The following ZMIZ1 variants were observed in gnomAD, a reference collection of about 807,000 sequenced individuals.
ZMIZ1 encodes the protein zinc finger MIZ-type containing 1, also known as zinc finger MIZ domain-containing protein 1.
In ZMIZ1, 17 loss-of-function variants were observed where a neutral mutation model predicts 113.9. The observed-to-expected ratio is 0.15, with a 90% CI of 0.10 to 0.22. The LOEUF is 0.22. Ranked by LOEUF, ZMIZ1 falls within the 10% of genes least tolerant of loss-of-function variation. The pLI is 1.00. For missense variants in ZMIZ1, 1,059 were observed against 1,477.8 expected (o/e 0.72, Z 4.65); for synonymous variants, 607 against 603.1 (o/e 1.01, Z -0.09).
intron 24 of ZMIZ1, among the ~76,000 whole-genome samples, chr10:79,312,431 G>A (rs370868988): frequency 2.0e-5 from 3 of 152,232 alleles, no homozygotes; most frequent in African/African-American, 7.2e-5. Flanking sequence ...CTTGAAATGA[G>A]CATGGGGGTG....
At chr10:79,269,880 G>A (rs921923661) in intron 7 of ZMIZ1, among the ~76,000 whole-genome samples, 2 of 152,170 alleles carry the variant, frequency 1.3e-5, no homozygotes, top group African/African-American at 2.4e-5. Flanking sequence ...CCAGGTGAGC[G>A]TACCTGCTCC....
intron 7 of ZMIZ1, among the ~76,000 whole-genome samples, chr10:79,247,630 T>C (rs1222461174): frequency 1.3e-5 from 2 of 151,908 alleles, no homozygotes; most frequent in African/African-American, 4.8e-5. Flanking sequence ...CCACCCCCCG[T>C]AGGGTGAGGC....
At chr10:79,285,104 C>G (rs1291367042) in intron 8 of ZMIZ1, among the ~76,000 whole-genome samples, 3 of 152,168 alleles carry the variant, frequency 2.0e-5, no homozygotes, top group Non-Finnish European at 2.9e-5. Flanking sequence ...GGAGCGTTGC[C>G]TTGCTGGATC....
rs897266767 is a variant in ZMIZ1, at chr10:79,296,794, T to A, written c.1413+141T>A. 7.5e-6 allele frequency: 6 copies of A among 795,836 alleles called. No individual in the cohort carries two copies. The highest frequency in any genetic ancestry group is 1.9e-6 in the Non-Finnish European group (1 of 539,480). 49.3% of individuals were successfully genotyped at this position (795,836 alleles called of 1,614,324 possible). ...GGTGGGTGATTTCTGAACGTCCCCA[T>A]GTGTTCAGGGCGAAGTTCGGTGGCC... On this transcript the variant is annotated intron_variant, in intron 13 of 24. Transcript: ENST00000334512. This position sits in a 1 kb window ranked among gnomAD's most constrained non-coding sequence, Gnocchi z 4.1.
At chr10:79,167,223 C>T (rs188430204) in intron 4 of ZMIZ1, among the ~76,000 whole-genome samples, 200 of 152,370 alleles carry the variant, frequency 1.3e-3, no homozygotes, top group Non-Finnish European at 2.5e-3. Flanking sequence ...AGACTGCCCA[C>T]CAGGCTGTTT....
chr10:79,103,565 G>A (rs573481030), intron 1 of ZMIZ1, among the ~76,000 whole-genome samples: 14 of 152,198 alleles, frequency 9.2e-5, no homozygotes, highest in African/African-American at 3.4e-4. Flanking sequence ...CAAAAGGAGG[G>A]CGGAGGGAGA....
At chr10:79,301,241 C>G (rs139291922) in intron 17 of ZMIZ1, among the ~76,000 whole-genome samples, 7 of 152,178 alleles carry the variant, frequency 4.6e-5, no homozygotes, top group African/African-American at 1.7e-4. Flanking sequence ...CCTGGCCCCT[C>G]CTCCCTACCC....
chr10:79,137,514 T>G (rs910092134), intron 2 of ZMIZ1, among the ~76,000 whole-genome samples: 3 of 152,224 alleles, frequency 2.0e-5, no homozygotes, highest in African/African-American at 7.2e-5. Context: ...GTATGTGCCC[T>G]GGTGGACAGG....
intron 2 of ZMIZ1, among the ~76,000 whole-genome samples, chr10:79,139,445 CA>C (rs1405162800): frequency 6.6e-6 from 1 of 152,172 alleles, no homozygotes; most frequent in Non-Finnish European, 1.5e-5. Context: ...CTGGAAGAAA[CA>C]AAACTTATAT....
chr10:79,106,166 T>C (rs1419842657), intron 1 of ZMIZ1, among the ~76,000 whole-genome samples: 1 of 152,206 alleles, frequency 6.6e-6, no homozygotes, highest in African/African-American at 2.4e-5. Flanking sequence ...TGCCTCTCCA[T>C]TGAAGTTCCC....
chr10:79,070,993 G>T (rs1589238050), intron 1 of ZMIZ1, among the ~76,000 whole-genome samples: 1 of 152,228 alleles, frequency 6.6e-6, no homozygotes, highest in East Asian at 1.9e-4. Context: ...AGAAGCTGGC[G>T]GCTGGGCTGG....
chr10:79,237,871 C>A (rs1039618460), intron 7 of ZMIZ1, among the ~76,000 whole-genome samples: 1 of 152,174 alleles, frequency 6.6e-6, no homozygotes, highest in Non-Finnish European at 1.5e-5. Flanking sequence ...AGGAGGAGGT[C>A]GAGGCTCTGA....
intron 7 of ZMIZ1, among the ~76,000 whole-genome samples, chr10:79,230,451 T>C (rs1355370991): frequency 4.6e-5 from 7 of 152,216 alleles, no homozygotes; most frequent in Admixed American, 4.6e-4. Flanking sequence ...AGTGACATCA[T>C]TGCATACATT....
chr10:79,104,239 G>T (rs1843472399), intron 1 of ZMIZ1, among the ~76,000 whole-genome samples: 1 of 152,212 alleles, frequency 6.6e-6, no homozygotes, highest in South Asian at 2.1e-4. Context: ...ACGGAGATTT[G>T]GTATTGAGAG....
In ZMIZ1 at chr10:79,300,713, A is replaced by AC. The variant is rs760260456; in HGVS notation, c.1809-16dup. 4.3e-6 allele frequency: 7 copies of AC among 1,611,074 alleles called. No homozygotes were observed. Among genetic ancestry groups the AC allele is most frequent in the Non-Finnish European group, 5.9e-6 (7 of 1,179,592 alleles). On this transcript the variant is annotated intron_variant, in intron 16 of 24. Coordinates refer to ENST00000334512, the MANE Select transcript of ZMIZ1 (RefSeq NM_020338.4). ...GCCCCCTGGCAGAGCTGCCCTGAGC[A>AC]CCCTCGTTCCCCACCTAGGTCTGAC...
rs1042314946 is a variant in ZMIZ1 at position 79,187,306 on chromosome 10, G to A, written c.-49-14278G>A. ...CCTCTCCCATGCCTGGCTCTAGCCC[G>A]GCGGACACTGCCAGTATAGCTGCGT... is the stretch of plus-strand genomic sequence containing the variant. On this transcript the variant is annotated intron_variant, in intron 4 of 24. Coordinates refer to ENST00000334512, the MANE Select transcript of ZMIZ1 (RefSeq NM_020338.4). 8.5e-5 allele frequency among the ~76,000 whole-genome samples: 13 copies of A among 152,304 alleles called. 1 individual carries two copies. The highest frequency in any genetic ancestry group is 6.5e-4 in the Admixed American group (10 of 15,304).
intron 7 of ZMIZ1, among the ~76,000 whole-genome samples, chr10:79,228,293 C>T (rs1323592690): frequency 6.6e-6 from 1 of 152,200 alleles, no homozygotes. Flanking sequence ...GTAGCTCAAC[C>T]CTTTGTATAA....
rs376484859 is a variant in ZMIZ1, at chr10:79,312,886, C to G, written c.*137C>G. ...GGCTGTGGGGCGGGGAGCCCTCCCC[C>G]GCTGCAGCCCTCTCAGAACAGAGGG... On this transcript the variant is annotated 3_prime_UTR_variant, in exon 25 of 25. Transcript: ENST00000334512. The G allele has an allele frequency of 1.3e-4, 94 of 730,098 alleles. No homozygotes were observed. The highest frequency in any genetic ancestry group is 1.3e-3 in the African/African-American group (72 of 56,314). The allele number at this position is 730,098 out of a possible 1,614,324, so 45.2% of individuals were successfully genotyped here.
intron 5 of ZMIZ1, among the ~76,000 whole-genome samples, chr10:79,201,978 G>A (rs1848103824): frequency 2.0e-5 from 3 of 148,450 alleles, no homozygotes; most frequent in Non-Finnish European, 4.4e-5. Flanking sequence ...ATGTAGTGAT[G>A]CACCTGGCAC....
Sources: gnomAD v4.1 joint callset for allele counts (sites outside exome capture counted in the v4.1 genomes callset) on GRCh38, gnomAD v4.1.1 for gene constraint, Gnocchi (gnomAD v3.1) non-coding constraint, MANE v1.5 for transcripts, NCBI Gene and HGNC (gene_info 2026-07-23, HGNC 2026-07-21) for gene names.